Variants in TMEM132D observed in about 807,000 individuals in gnomAD.
TMEM132D encodes mature OL transmembrane protein.
TMEM132D carries 21 observed loss-of-function variants against 62.3 expected under a neutral mutation model. That is an observed-to-expected ratio of 0.34 (90% CI 0.24 to 0.49). The LOEUF is 0.49. TMEM132D is among the 20% of genes least tolerant of loss of function. The pLI is 0.99. For missense variants in TMEM132D, 1,346 were observed against 1,402.8 expected (o/e 0.96, Z 0.65); for synonymous variants, 621 against 575.6 (o/e 1.08, Z -1.13).
chr12:129,824,127 C>A (rs1011416542), intron 1 of TMEM132D, among the ~76,000 whole-genome samples: 2 of 152,108 alleles, frequency 1.3e-5, no homozygotes, highest in African/African-American at 4.8e-5. Flanking sequence ...CGCAAGAATT[C>A]GAACCCAGGA....
At position 129,688,093 on chromosome 12, in the gene TMEM132D, C is replaced by T. The variant is rs560850629; in HGVS notation, c.968+11717G>A. ...CACAGCAATCAACTGAGGGAGAGGG[C>T]CTTGAGCTGGAGCCACTGGGGATTA... On this transcript the variant is annotated intron_variant, in intron 2 of 8. Coordinates refer to ENST00000422113, the MANE Select transcript of TMEM132D (RefSeq NM_133448.3). Among the ~76,000 whole-genome samples, 18 of 152,226 alleles carry T rather than the reference C, an allele frequency of 1.2e-4. No homozygotes were observed. In the South Asian group the frequency reaches 2.1e-3, roughly 18 times the overall value.
chr12:129,516,778 T>A (rs1392428604), intron 3 of TMEM132D, among the ~76,000 whole-genome samples: 3 of 152,236 alleles, frequency 2.0e-5, no homozygotes, highest in African/African-American at 7.2e-5. Flanking sequence ...AGGCTTAACA[T>A]AATGTGGATT....
At chr12:129,213,199 AAAG>A (rs1345397432) in intron 4 of TMEM132D, among the ~76,000 whole-genome samples, 1 of 152,168 alleles carries the variant, frequency 6.6e-6, no homozygotes, top group Non-Finnish European at 1.5e-5. Flanking sequence ...GTATTGCTAT[AAAG>A]AAATACCAGG....
At chr12:129,535,479 A>T (rs1335944772) in intron 2 of TMEM132D, among the ~76,000 whole-genome samples, 2 of 152,216 alleles carry the variant, frequency 1.3e-5, no homozygotes, top group Non-Finnish European at 2.9e-5. Context: ...CAGCCTCCTA[A>T]AGTCTATAAA....
intron 1 of TMEM132D, among the ~76,000 whole-genome samples, chr12:129,901,331 A>G (rs995041381): frequency 1.3e-5 from 2 of 152,238 alleles, no homozygotes; most frequent in African/African-American, 4.8e-5. Flanking sequence ...GAATGTATAA[A>G]TCACATCTGC....
intron 4 of TMEM132D, among the ~76,000 whole-genome samples, chr12:129,280,383 C>T (rs1012767800): frequency 1.3e-5 from 2 of 152,144 alleles, no homozygotes; most frequent in Non-Finnish European, 2.9e-5. Flanking sequence ...ATGCACAAAA[C>T]GGGTTTATTA....
In TMEM132D at chr12:129,661,707, G is replaced by A. The variant is rs1010593834; in HGVS notation, c.968+38103C>T. 4.6e-5 allele frequency among the ~76,000 whole-genome samples: 7 copies of A among 152,122 alleles called. No individual in the cohort carries two copies. The South Asian group carries it at 6.2e-4, about 14-fold the overall frequency. On this transcript the variant is annotated intron_variant, in intron 2 of 8. Transcript: ENST00000422113. ...TATCTCCACCTACAAAAATACAAGC[G>A]CACTGTCATCAATGGCAAGGAACAA...
intron 3 of TMEM132D, among the ~76,000 whole-genome samples, chr12:129,450,200 G>T (rs898834006): frequency 6.6e-6 from 1 of 152,150 alleles, no homozygotes; most frequent in African/African-American, 2.4e-5. Flanking sequence ...CTGTGCAGAA[G>T]CTCTTTAATT....
chr12:129,417,771 C>A (rs1872173811), intron 3 of TMEM132D, among the ~76,000 whole-genome samples: 1 of 151,936 alleles, frequency 6.6e-6, no homozygotes, highest in Non-Finnish European at 1.5e-5. Context: ...AGGCAACCTA[C>A]AGAATGGGAG....
intron 3 of TMEM132D, among the ~76,000 whole-genome samples, chr12:129,444,599 G>A (rs868059820): frequency 1.1e-4 from 17 of 152,196 alleles, no homozygotes; most frequent in Middle Eastern, 3.4e-3. Flanking sequence ...TATTTTTCCT[G>A]ATGCTCTCCC....
At chr12:129,148,938 T>C (rs1326977829) in intron 5 of TMEM132D, among the ~76,000 whole-genome samples, 2 of 151,818 alleles carry the variant, frequency 1.3e-5, no homozygotes, top group African/African-American at 2.4e-5. Flanking sequence ...TCCTTTCTTG[T>C]AGGAAGGGAG....
At chr12:129,239,410 T>C (rs1879873772) in intron 4 of TMEM132D, among the ~76,000 whole-genome samples, 1 of 152,188 alleles carries the variant, frequency 6.6e-6, no homozygotes. Flanking sequence ...AGGGCCCAAC[T>C]TCATTCTTTT....
At chr12:129,736,063 G>T (rs1307904560) in intron 1 of TMEM132D, among the ~76,000 whole-genome samples, 1 of 152,126 alleles carries the variant, frequency 6.6e-6, no homozygotes, top group African/African-American at 2.4e-5. Flanking sequence ...CACTGAGAAT[G>T]TACATCCTCA....
At position 129,315,010 on chromosome 12, in the gene TMEM132D, G is replaced by T. The variant is rs187319922; in HGVS notation, c.1299+22624C>A. Among the ~76,000 whole-genome samples the T allele has an allele frequency of 1.1e-4, 16 of 152,210 alleles. No individual in the cohort carries two copies. In the East Asian group the frequency reaches 2.3e-3, roughly 22 times the overall value. On this transcript the variant is annotated intron_variant, in intron 4 of 8. Transcript: ENST00000422113. Reference sequence around the variant, plus strand: ...CATTAATCTTGTATCCACAAATTTTGCTGAATTCTTTCATCAGTTCTAGGA... The same window carrying T: ...CATTAATCTTGTATCCACAAATTTTTCTGAATTCTTTCATCAGTTCTAGGA...
chr12:129,708,212 G>A (rs909315619), intron 1 of TMEM132D, among the ~76,000 whole-genome samples: 7 of 152,042 alleles, frequency 4.6e-5, no homozygotes, highest in East Asian at 1.9e-4. Context: ...GCAAGACCTC[G>A]TCTCAAAAAC....
chr12:129,525,316 T>C (rs1287680623), intron 3 of TMEM132D, among the ~76,000 whole-genome samples: 2 of 149,438 alleles, frequency 1.3e-5, no homozygotes, highest in African/African-American at 4.9e-5. Flanking sequence ...TGGTCTGTTG[T>C]ATCCCTAATG....
chr12:129,308,906 T>C lies in TMEM132D; in HGVS notation c.1299+28728A>G, dbSNP rs75382379. Among the ~76,000 whole-genome samples the C allele has an allele frequency of 7.9e-3, 1,207 of 152,292 alleles. 41 individuals are homozygous for C. Among genetic ancestry groups the C allele is most frequent in the Admixed American group, 0.053 (809 of 15,296 alleles). On this transcript the variant is annotated intron_variant, in intron 4 of 8. Transcript: ENST00000422113. ...ATTGATCAACTTACCATTTTGGATG[T>C]TAAATGACTGGAAGAGGAGCAAGTA...
Position 129,664,647 on chromosome 12 carries a change from G to A in TMEM132D, c.968+35163C>T, listed in dbSNP as rs901692978. Among the ~76,000 whole-genome samples the A allele has an allele frequency of 5.3e-5, 8 of 151,870 alleles. No homozygotes were observed. The East Asian group carries it at 9.7e-4, about 18-fold the overall frequency. On this transcript the variant is annotated intron_variant, in intron 2 of 8. Coordinates refer to ENST00000422113, the MANE Select transcript of TMEM132D (RefSeq NM_133448.3). ...TCACCGTGTTAGCCAGGATGGTCTCGATCCCCTGAACTCATGATCTGCCTG... is the reference window on the plus strand; with the variant it reads ...TCACCGTGTTAGCCAGGATGGTCTCAATCCCCTGAACTCATGATCTGCCTG...
chr12:129,700,594 G>T lies in TMEM132D; in HGVS notation c.184C>A (p.Leu62Met), dbSNP rs776494246. 3.4e-5 allele frequency: 55 copies of T among 1,613,928 alleles called. No individual in the cohort carries two copies. The highest frequency in any genetic ancestry group is 4.3e-5 in the Non-Finnish European group (51 of 1,180,024). Residue 62 changes from leucine to methionine, a missense_variant, in exon 2 of 9, where the codon CTG becomes ATG. Coordinates refer to ENST00000422113, the MANE Select transcript of TMEM132D (RefSeq NM_133448.3). ...HINNADVSFF[L>M]KEANQDIMRN... ...ATGATATCCTGGTTGGCCTCCTTCA[G>T]GAAGAAGGAGACGTCCGCGTTGTTG...
Sources: allele counts gnomAD v4.1 joint callset (sites outside exome capture counted in the v4.1 genomes callset), GRCh38; gene constraint gnomAD v4.1.1; transcripts MANE v1.5; gene names NCBI Gene and HGNC (gene_info 2026-07-23, HGNC 2026-07-21).